The following TJP1 variants were observed in gnomAD, a reference collection of about 807,000 sequenced individuals.
TJP1 encodes tight junction protein 1.
In TJP1, 43 loss-of-function variants were observed where a neutral mutation model predicts 194.2. The observed-to-expected ratio is 0.22, with a 90% confidence interval of 0.17 to 0.29. The LOEUF (loss-of-function observed/expected upper bound fraction) is 0.29. TJP1 is among the 10% of genes least tolerant of loss of function. The probability of loss-of-function intolerance (pLI) is 1.00; values close to 1 mark genes in which losing one functional copy is unlikely to be tolerated. For synonymous variants in TJP1, 801 were observed against 779.0 expected (o/e 1.03, Z -0.47); for missense variants, 1,971 against 2,185.7 (o/e 0.90, Z 1.96).
intron 23 of TJP1, among the ~76,000 whole-genome samples, chr15:29,713,289 CTCT>C (rs754620387): frequency 6.0e-4 from 91 of 152,328 alleles, no homozygotes; most frequent in Non-Finnish European, 1.1e-3. Context: ...AGGGACACTG[CTCT>C]TCTTGCACTG....
At chr15:29,828,888 A>G (rs535520508) in intron 2 of TJP1, among the ~76,000 whole-genome samples, 87 of 151,948 alleles carry the variant, frequency 5.7e-4, no homozygotes, top group Non-Finnish European at 1.1e-3. Context: ...AGCCTACCAC[A>G]ATGCCTGGCT....
In TJP1 at chr15:29,733,200, G is replaced by A. The variant is rs1242032165; in HGVS notation, c.1630C>T (p.Arg544Cys). Reference sequence around the variant, plus strand: ...CCATTGTACAAGGTATCCACAACACGGAACACCTCTCCTTTGTTAAAACTA... The same window carrying A: ...CCATTGTACAAGGTATCCACAACACAGAACACCTCTCCTTTGTTAAAACTA... Reference protein sequence around the residue: ...GLSFNKGEVFRVVDTLYNGKL... With the variant: ...GLSFNKGEVFCVVDTLYNGKL... Residue 544 changes from arginine to cysteine, a missense_variant, in exon 13 of 28, where the codon CGT becomes TGT. Physicochemically the swap from Arg to Cys is radical, Grantham distance 180 (BLOSUM62 -3). Around this residue, in one of 5 missense-constraint regions of TJP1, gnomAD observed 402 missense variants for 484.2 expected, o/e 0.83. Coordinates refer to ENST00000614355, the MANE Select transcript of TJP1 (RefSeq NM_001330239.4). The A allele has an allele frequency of 4.3e-6, 7 of 1,613,922 alleles. No individual in the cohort carries two copies. The highest frequency in any genetic ancestry group is 2.7e-5 in the African/African-American group (2 of 74,914).
At chr15:29,862,108 A>G (rs1245974002) in intron 2 of TJP1, among the ~76,000 whole-genome samples, 2 of 152,198 alleles carry the variant, frequency 1.3e-5, no homozygotes, top group African/African-American at 2.4e-5. Flanking sequence ...TTAGTTAAGA[A>G]GCACTGAATC....
At chr15:29,797,867 G>A (rs1484945217) in intron 2 of TJP1, among the ~76,000 whole-genome samples, 2 of 152,088 alleles carry the variant, frequency 1.3e-5, no homozygotes, top group African/African-American at 4.8e-5. Context: ...ATTAAAAATG[G>A]GCAAAAGGTT....
chr15:29,849,440 TAA>T (rs79680348), intron 2 of TJP1, among the ~76,000 whole-genome samples: 64 of 138,506 alleles, frequency 4.6e-4, no homozygotes, highest in South Asian at 9.4e-4. Context: ...AAATTTTATT[TAA>T]AAAAAAAAAA....
chr15:29,963,503 T>C (rs901256853), intron 1 of TJP1, among the ~76,000 whole-genome samples: 3 of 152,280 alleles, frequency 2.0e-5, no homozygotes, highest in East Asian at 1.9e-4. Flanking sequence ...GCAACTCTTA[T>C]TGTTTTTGGA....
intron 2 of TJP1, among the ~76,000 whole-genome samples, chr15:29,929,067 CATTATTT>C (rs2054618718): frequency 6.6e-6 from 1 of 151,984 alleles, no homozygotes; most frequent in African/African-American, 2.4e-5. Context: ...CTAGAGAACC[CATTATTT>C]TCAACTCCAC....
At chr15:29,704,366 G>GT (rs2041757057) in intron 26 of TJP1, 61 bp from the exon 27 acceptor site, 7 of 1,521,834 alleles carry the variant, frequency 4.6e-6, no homozygotes, top group Admixed American at 2.0e-5. Flanking sequence ...TAGAATCCCA[G>GT]TTTTCCTCAC....
At position 29,705,680 on chromosome 15, in the gene TJP1, A is replaced by G; in HGVS notation, c.4916T>C (p.Ile1639Thr). 1 of 1,614,184 alleles carries G rather than the reference A, an allele frequency of 6.2e-7. No homozygotes were observed. The highest frequency in any genetic ancestry group is 8.5e-7 in the Non-Finnish European group (1 of 1,180,044). The change falls in exon 26 of 28, where the codon ATA (isoleucine) becomes ACA (threonine). Residue 1639 changes from isoleucine to threonine, a missense_variant. Ile to Thr is a moderately conservative substitution (Grantham distance 89). Coordinates refer to ENST00000614355, the MANE Select transcript of TJP1 (RefSeq NM_001330239.4). ...CAGCACGCCCCCATTGCTGTTAAAT[A>G]TGCCTCGGGCTGTGGCCACCACAGT... is the stretch of plus-strand genomic sequence containing the variant. Reference protein sequence around the residue: ...GHTVVATARGIFNSNGGVLSS... With the variant: ...GHTVVATARGTFNSNGGVLSS...
intron 2 of TJP1, among the ~76,000 whole-genome samples, chr15:29,910,213 GA>G (rs1454505890): frequency 6.6e-6 from 1 of 152,162 alleles, no homozygotes; most frequent in Non-Finnish European, 1.5e-5. Context: ...TTTATACTAA[GA>G]AATGTTACAG....
intron 2 of TJP1, among the ~76,000 whole-genome samples, chr15:29,911,683 C>G (rs1050433575): frequency 2.5e-4 from 38 of 152,164 alleles, no homozygotes; most frequent in Admixed American, 3.9e-4. Flanking sequence ...CAATTACCTC[C>G]CACCAGGTCC....
At chr15:29,702,975 C>G (rs1171030856) in intron 27 of TJP1, among the ~76,000 whole-genome samples, 1 of 152,136 alleles carries the variant, frequency 6.6e-6, no homozygotes, top group Non-Finnish European at 1.5e-5. Context: ...ACTTAAGTCA[C>G]TCAAGGAAGT....
At chr15:29,822,652 A>T (rs2050500954), upstream of TJP1, 1 of 215,992 alleles carries the variant, frequency 4.6e-6, no homozygotes, top group Non-Finnish European at 7.9e-6. Flanking sequence ...CTTGGAAGAC[A>T]GTTTCCGCTG....
intron 25 of TJP1, among the ~76,000 whole-genome samples, chr15:29,706,961 C>T (rs1595555585): frequency 6.6e-6 from 1 of 152,120 alleles, no homozygotes; most frequent in East Asian, 1.9e-4. Flanking sequence ...GGCTGTTCTT[C>T]CATTTTTAGT....
At chr15:29,857,783 T>C (rs1023850634) in intron 2 of TJP1, among the ~76,000 whole-genome samples, 3 of 152,148 alleles carry the variant, frequency 2.0e-5, no homozygotes, top group African/African-American at 4.8e-5. Flanking sequence ...TTTTTTGAGA[T>C]GGAGTTTCAC....
At chr15:29,953,140 A>ATTTTTTTTTTTTTT (rs71416442) in intron 2 of TJP1, among the ~76,000 whole-genome samples, 1,947 of 110,830 alleles carry the variant, frequency 0.018, 229 homozygotes, top group African/African-American at 0.031. Context: ...AAGAAGACAG[A>ATTTTTTTTTTTTTT]TTTTTTTTTT....
intron 15 of TJP1, chr15:29,730,905 G>T: frequency 8.1e-7 from 1 of 1,228,996 alleles, no homozygotes; most frequent in South Asian, 1.2e-5. Flanking sequence ...TGCTGGCAAG[G>T]AGGGGAATAA....
intron 11 of TJP1, 128 bp from the exon 12 acceptor site, chr15:29,734,510 G>GTCTC: frequency 1.6e-6 from 1 of 633,184 alleles, no homozygotes; most frequent in South Asian, 2.1e-5. Flanking sequence ...TTGAGACAGA[G>GTCTC]TCTCGCTCTG....
chr15:29,856,399 A>G (rs1311632180), intron 2 of TJP1, among the ~76,000 whole-genome samples: 1 of 152,204 alleles, frequency 6.6e-6, no homozygotes, highest in African/African-American at 2.4e-5. Context: ...CAGAACAGAT[A>G]AATCCGTGAG....
Sources: allele counts gnomAD v4.1 joint callset (sites outside exome capture counted in the v4.1 genomes callset), GRCh38; gene constraint gnomAD v4.1.1; regional missense constraint gnomAD v4.1.1; transcripts MANE v1.5; gene names NCBI Gene and HGNC (gene_info 2026-07-23, HGNC 2026-07-21).